PUS10: variants seen among roughly 807,000 people sequenced by gnomAD.
PUS10 encodes the protein pseudouridine synthase 10.
A neutral mutation model predicts 75.0 loss-of-function variants in PUS10; 59 were observed. The observed-to-expected ratio is 0.79, with a 90% CI of 0.64 to 0.98. The LOEUF is 0.98. PUS10 is among the 50% of genes least tolerant of loss of function. PUS10 has a pLI of 0.00. For synonymous variants in PUS10, 219 were observed against 211.6 expected (o/e 1.03, Z -0.30); for missense variants, 650 against 614.4 (o/e 1.06, Z -0.61).
At chr2:60,955,606 G>A (rs1675599715) in intron 11 of PUS10, among the ~76,000 whole-genome samples, 1 of 152,138 alleles carries the variant, frequency 6.6e-6, no homozygotes, top group African/African-American at 2.4e-5. Flanking sequence ...CGGGATTATA[G>A]GTGTGAGCCA....
chr2:60,943,419 T>TAAAC (rs1389780138), intron 17 of PUS10, among the ~76,000 whole-genome samples: 3 of 148,448 alleles, frequency 2.0e-5, no homozygotes, highest in African/African-American at 5.0e-5. Flanking sequence ...TGTCTCCACA[T>TAAAC]AAACACATAC....
At chr2:60,982,148 C>A (rs530220941) in intron 4 of PUS10, among the ~76,000 whole-genome samples, 1 of 152,038 alleles carries the variant, frequency 6.6e-6, no homozygotes, top group Non-Finnish European at 1.5e-5. Context: ...GTATTTGGTC[C>A]CAGGACTACA....
At chr2:60,967,453 A>C (rs750622648) in intron 6 of PUS10, 49 bp downstream of exon 6, 5 of 1,270,392 alleles carry the variant, frequency 3.9e-6, no homozygotes. Flanking sequence ...TAATTAAGTA[A>C]AACTAGTAAA....
intron 4 of PUS10, among the ~76,000 whole-genome samples, chr2:60,993,280 C>A (rs1290631244): frequency 6.6e-6 from 1 of 152,026 alleles, no homozygotes; most frequent in Non-Finnish European, 1.5e-5. Context: ...CATGGTGAAA[C>A]CCCATCTCTA....
chr2:60,958,292 G>T (rs745722474), intron 11 of PUS10, among the ~76,000 whole-genome samples: 10 of 152,138 alleles, frequency 6.6e-5, no homozygotes, highest in African/African-American at 7.2e-5. Flanking sequence ...GCGGGTAAAA[G>T]CTCATGGCAA....
At chr2:61,013,957 C>T (rs985710831) in intron 1 of PUS10, among the ~76,000 whole-genome samples, 4 of 146,244 alleles carry the variant, frequency 2.7e-5, no homozygotes, top group Admixed American at 2.7e-4. Context: ...AAACAAACAA[C>T]AACAACAACA....
At chr2:60,949,741 TA>T (rs1034827256) in intron 15 of PUS10, among the ~76,000 whole-genome samples, 1 of 152,198 alleles carries the variant, frequency 6.6e-6, no homozygotes, top group South Asian at 2.1e-4. Flanking sequence ...TATGGACCAT[TA>T]AAAAAGACCC....
intron 6 of PUS10, chr2:60,965,817 G>A (rs1036381858): frequency 1.1e-5 from 2 of 178,018 alleles, no homozygotes; most frequent in Admixed American, 1.2e-4. Flanking sequence ...AGAGAGAAAT[G>A]AAGAATTATT....
intron 11 of PUS10, among the ~76,000 whole-genome samples, chr2:60,955,568 A>G (rs945560478): frequency 5.3e-5 from 8 of 152,116 alleles, no homozygotes; most frequent in Non-Finnish European, 1.5e-5. Context: ...AATTCAAGCT[A>G]TTCTCCTGCT....
chr2:61,011,661 AAG>A (rs1178396374), intron 2 of PUS10, 102 bp downstream of exon 2: 27 of 767,380 alleles, frequency 3.5e-5, no homozygotes, highest in African/African-American at 1.5e-4. Flanking sequence ...TAATTTAAAA[AAG>A]AGTTATGAAT....
At chr2:60,973,414 TC>T in intron 4 of PUS10, among the ~76,000 whole-genome samples, 1 of 152,176 alleles carries the variant, frequency 6.6e-6, no homozygotes, top group Non-Finnish European at 1.5e-5. Flanking sequence ...CCCTGACCTC[TC>T]CCTGCTCCCA....
chr2:61,009,679 C>A (rs1476346368), intron 2 of PUS10, among the ~76,000 whole-genome samples: 1 of 152,084 alleles, frequency 6.6e-6, no homozygotes, highest in East Asian at 1.9e-4. Flanking sequence ...TCTTTGAAAC[C>A]ATTCTCATAT....
chr2:60,962,169 C>T (rs913899370), intron 9 of PUS10, among the ~76,000 whole-genome samples: 1 of 152,194 alleles, frequency 6.6e-6, no homozygotes, highest in African/African-American at 2.4e-5. Context: ...ATAGGCATAG[C>T]ACTGGGCTAG....
intron 4 of PUS10, among the ~76,000 whole-genome samples, chr2:61,004,209 A>T (rs1679048367): frequency 6.6e-6 from 1 of 152,258 alleles, no homozygotes; most frequent in South Asian, 2.1e-4. Flanking sequence ...TTCTGAAGAT[A>T]TACGTAACTA....
chr2:60,944,667 T>C (rs1172162344), intron 17 of PUS10, among the ~76,000 whole-genome samples: 1 of 152,212 alleles, frequency 6.6e-6, no homozygotes, highest in East Asian at 1.9e-4. Context: ...CTTTCTACCC[T>C]TGTGAATCCA....
At position 60,951,189 on chromosome 2, in the gene PUS10, C is replaced by T. The variant is rs369838558; in HGVS notation, c.1308+1808G>A. Among the ~76,000 whole-genome samples the T allele has an allele frequency of 3.9e-4, 59 of 152,210 alleles. 1 individual carries two copies. The South Asian group carries it at 0.011, about 28-fold the overall frequency. On this transcript the variant is annotated intron_variant, in intron 15 of 17. Coordinates refer to ENST00000316752, the MANE Select transcript of PUS10 (RefSeq NM_144709.4). ...TTTGCCATACAATTTGTTTTCTACA[C>T]AATCCTCTATATGTGTATACATATA...
rs372976988 is a variant in PUS10 at position 60,942,343 on chromosome 2, G to T, written c.*52C>A. The T allele has an allele frequency of 1.1e-5, 16 of 1,482,986 alleles. No individual in the cohort carries two copies. Among genetic ancestry groups the T allele is most frequent in the African/African-American group, 2.8e-5 (2 of 72,204 alleles). The allele number at this position is 1,482,986 out of a possible 1,614,324, so 91.9% of individuals were successfully genotyped here. On this transcript the variant is annotated 3_prime_UTR_variant, in exon 18 of 18. Coordinates refer to ENST00000316752, the MANE Select transcript of PUS10 (RefSeq NM_144709.4). ...GCCATTTTACGGCATGTGCTCCATG[G>T]ATGTCCACATCATGCCAGGAAAACC...
In PUS10 at chr2:60,960,504, T is replaced by C. The variant is rs751591322; in HGVS notation, c.888A>G (p.Lys296=). 1.9e-6 allele frequency: 3 copies of C among 1,573,622 alleles called. No individual in the cohort carries two copies. Among genetic ancestry groups the C allele is most frequent in the Non-Finnish European group, 2.6e-6 (3 of 1,164,454 alleles). Residue 296 remains lysine (K), a synonymous_variant, in exon 11 of 18, where the codon AAA becomes AAG. Coordinates refer to ENST00000316752, the MANE Select transcript of PUS10 (RefSeq NM_144709.4). ...GAVFVAGRYN[K]YSRNLPQTPW... ...GAGTTTGTGGTAGATTCCTGGAGTA[T>C]TTATTATATCTCCCTGAGAAAGAAA...
chr2:60,983,207 T>C (rs1254977758), intron 4 of PUS10, among the ~76,000 whole-genome samples: 1 of 152,116 alleles, frequency 6.6e-6, no homozygotes, highest in Non-Finnish European at 1.5e-5. Flanking sequence ...AGTCTAATTG[T>C]TACTATAATC....
Sources: allele counts gnomAD v4.1 joint callset (sites outside exome capture counted in the v4.1 genomes callset), GRCh38; gene constraint gnomAD v4.1.1; transcripts MANE v1.5; gene names NCBI Gene and HGNC (gene_info 2026-07-23, HGNC 2026-07-21).